Variants in SYNE2 observed in about 807,000 individuals in gnomAD.
SYNE2 encodes spectrin repeat containing nuclear envelope protein 2, also known as nesprin-2.
In SYNE2, 431 loss-of-function variants were observed where a neutral mutation model predicts 856.3. That is an observed-to-expected ratio of 0.50 (90% CI 0.47 to 0.55). The LOEUF (loss-of-function observed/expected upper bound fraction) is 0.55, where lower values mean the gene tolerates loss of function less well. Ranked by LOEUF, SYNE2 falls within the 20% of genes least tolerant of loss-of-function variation. SYNE2 has a pLI of 0.00. For synonymous variants in SYNE2, 2,923 were observed against 2,872.3 expected (o/e 1.02, Z -0.56); for missense variants, 8,129 against 8,023.2 (o/e 1.01, Z -0.50).
At chr14:63,789,958 C>T (rs766734242) in intron 1 of SYNE2, among the ~76,000 whole-genome samples, 13 of 152,108 alleles carry the variant, frequency 8.5e-5, no homozygotes, top group Non-Finnish European at 1.5e-4. Context: ...TAGAAAGAAA[C>T]TGAGATACCT....
intron 63 of SYNE2, 56 bp from the exon 64 acceptor site, chr14:64,101,876 G>A (rs2097732757): frequency 3.0e-6 from 4 of 1,333,690 alleles, no homozygotes; most frequent in East Asian, 2.3e-5. Context: ...GTAGGGCACC[G>A]GTTATGACAG....
intron 73 of SYNE2, among the ~76,000 whole-genome samples, chr14:64,127,575 G>A (rs1320152614): frequency 6.6e-6 from 1 of 152,110 alleles, no homozygotes; most frequent in Non-Finnish European, 1.5e-5. Context: ...GCTAGAGGGA[G>A]CCATTAAGGT....
At chr14:64,202,139 T>C (rs1350395806) in intron 99 of SYNE2, 2 of 701,100 alleles carry the variant, frequency 2.9e-6, no homozygotes, top group Non-Finnish European at 5.2e-6. Flanking sequence ...GGAGATCACA[T>C]TTAGAACTGC....
At chr14:64,074,666 C>T (rs1390946566) in intron 53 of SYNE2, among the ~76,000 whole-genome samples, 3 of 152,138 alleles carry the variant, frequency 2.0e-5, no homozygotes, top group African/African-American at 7.2e-5. Flanking sequence ...GAGGTCCAGG[C>T]AGGCAGATCA....
intron 96 of SYNE2, among the ~76,000 whole-genome samples, chr14:64,178,348 G>C (rs566057904): frequency 6.6e-6 from 1 of 152,170 alleles, no homozygotes; most frequent in East Asian, 1.9e-4. Context: ...CAAGTGTCCT[G>C]TATGATCTAA....
chr14:63,870,256 A>T (rs1483322394), intron 1 of SYNE2, among the ~76,000 whole-genome samples: 2 of 151,850 alleles, frequency 1.3e-5, no homozygotes, highest in Admixed American at 6.6e-5. Flanking sequence ...AGCCCTACTC[A>T]TCATTCTAGG....
Position 64,129,857 on chromosome 14 carries a change from C to T in SYNE2, c.14095C>T (p.Leu4699Phe). The change falls in exon 75 of 116, where the codon CTT becomes TTT. Residue 4699 changes from leucine to phenylalanine, a missense_variant. By Grantham distance (22) the Leu-to-Phe change is conservative. This residue lies in a region of SYNE2 where 5,410 missense variants were observed against 5,284.8 expected (regional missense o/e 1.02). Transcript: ENST00000555002. ...VAKLRDEGER[L>F]HLPYALLQEV... is the part of the protein sequence containing the mutation. The stretch of plus-strand genomic sequence containing the variant: ...CAAACTAAGAGATGAAGGGGAGAGG[C>T]TTCATTTACCTTATGCTTTACTCCA... 4 of 1,614,104 alleles carry T rather than the reference C, an allele frequency of 2.5e-6. No individual in the cohort carries two copies. Among genetic ancestry groups the T allele is most frequent in the Non-Finnish European group, 3.4e-6 (4 of 1,180,014 alleles).
chr14:64,156,685 CT>C, intron 85 of SYNE2, among the ~76,000 whole-genome samples: 1 of 152,300 alleles, frequency 6.6e-6, no homozygotes, highest in South Asian at 2.1e-4. Flanking sequence ...TCTTGAACTC[CT>C]GACCTTAGGT....
chr14:64,176,779 TTTTATTTATTTA>T (rs370375972), intron 95 of SYNE2, among the ~76,000 whole-genome samples: 5,005 of 150,346 alleles, frequency 0.033, 245 homozygotes, highest in African/African-American at 0.11. Flanking sequence ...ACTTTTTTAT[TTTTATTTATTTA>T]TTTATTTATT....
At chr14:63,764,837 A>G (rs1486645054) in intron 1 of SYNE2, among the ~76,000 whole-genome samples, 1 of 152,090 alleles carries the variant, frequency 6.6e-6, no homozygotes, top group East Asian at 1.9e-4. Context: ...GGCCCCAGCT[A>G]CTTGGGAGGC....
At chr14:64,077,230 G>A (rs892365588) in intron 54 of SYNE2, among the ~76,000 whole-genome samples, 4 of 152,062 alleles carry the variant, frequency 2.6e-5, no homozygotes, top group African/African-American at 9.7e-5. Flanking sequence ...TAATTCAAAT[G>A]GCTACATATG....
Position 64,177,465 on chromosome 14 carries a change from C to A in SYNE2, c.17538C>A (p.Asn5846Lys), listed in dbSNP as rs367757065. Residue 5846 changes from asparagine to lysine, a missense_variant, in exon 96 of 116, where the codon AAC becomes AAA. By Grantham distance (94) the Asn-to-Lys change is moderately conservative. Coordinates refer to ENST00000555002, the MANE Select transcript of SYNE2 (RefSeq NM_182914.3). ...PLPELHEDLH[N>K]EKELIKELEQ... Reference sequence around the variant, plus strand: ...CAGAGCTTCACGAGGACCTCCATAACGAAAAAGAGCTGATTAAGGTATTGA... The same window carrying A: ...CAGAGCTTCACGAGGACCTCCATAAAGAAAAAGAGCTGATTAAGGTATTGA... 6.2e-7 allele frequency: 1 copy of A among 1,614,072 alleles called. No individual in the cohort carries two copies. Among genetic ancestry groups the A allele is most frequent in the Non-Finnish European group, 8.5e-7 (1 of 1,180,000 alleles).
intron 30 of SYNE2, 62 bp downstream of exon 30, chr14:64,003,392 G>T: frequency 1.3e-6 from 2 of 1,596,096 alleles, no homozygotes; most frequent in African/African-American, 1.3e-5. Context: ...TTTCACTTCT[G>T]TTAGGTGAAA....
chr14:63,882,158 G>C (rs2140679267), intron 1 of SYNE2, among the ~76,000 whole-genome samples: 1 of 152,204 alleles, frequency 6.6e-6, no homozygotes, highest in Non-Finnish European at 1.5e-5. Context: ...TCATGGTATG[G>C]GAACACGGAA....
Position 64,022,805 on chromosome 14 carries a change from A to G in SYNE2, c.5579A>G (p.Glu1860Gly). The change falls in exon 38 of 116, where the codon GAG becomes GGG. Residue 1860 changes from glutamate (E) to glycine (G), a missense_variant. Coordinates refer to ENST00000555002, the MANE Select transcript of SYNE2 (RefSeq NM_182914.3). ...AGCAACATTAAAGTGAACCTTAAGG[A>G]GTGTTTTGAATCATCAGAAACAAAA... ...WFSNIKVNLKECFESSETKKS... is the reference protein window; with the variant it reads ...WFSNIKVNLKGCFESSETKKS... The G allele has an allele frequency of 1.9e-6, 3 of 1,612,496 alleles. No homozygotes were observed. The highest frequency in any genetic ancestry group is 2.5e-6 in the Non-Finnish European group (3 of 1,178,788).
chr14:64,111,070 A>G (rs1330398873), intron 65 of SYNE2, among the ~76,000 whole-genome samples: 1 of 152,094 alleles, frequency 6.6e-6, no homozygotes, highest in Non-Finnish European at 1.5e-5. Flanking sequence ...TGTCATTAAA[A>G]AAAGTGTGTG....
In SYNE2 at chr14:63,815,207, T is replaced by C. The variant is rs774538338; in HGVS notation, c.-304-37294T>C. ...ATATATATATCCATATATATATCCA[T>C]ATATATATCCATATATATATCCATA... is the stretch of plus-strand genomic sequence containing the variant. On this transcript the variant is annotated intron_variant, in intron 1 of 23. Coordinates refer to the SYNE2 transcript ENST00000674003. 3.4e-4 allele frequency among the ~76,000 whole-genome samples: 45 copies of C among 131,852 alleles called. 3 individuals carry two copies. The highest frequency in any genetic ancestry group is 8.9e-4 in the East Asian group (4 of 4,500). The allele number at this position is 131,852 out of a possible 152,430, so 86.5% of individuals were successfully genotyped here.
intron 37 of SYNE2, 102 bp from the exon 38 acceptor site, chr14:64,022,649 A>G (rs2096944221): frequency 4.1e-6 from 3 of 733,980 alleles, no homozygotes; most frequent in Non-Finnish European, 7.5e-6. Flanking sequence ...TTTCACAACG[A>G]TGTATATCTA....
At chr14:64,036,811 C>G (rs1383162673) in intron 45 of SYNE2, among the ~76,000 whole-genome samples, 2 of 152,218 alleles carry the variant, frequency 1.3e-5, no homozygotes, top group African/African-American at 4.8e-5. Context: ...TTGAATTCAT[C>G]TGTACATCTA....
Sources: allele counts gnomAD v4.1 joint callset (sites outside exome capture counted in the v4.1 genomes callset), GRCh38; gene constraint gnomAD v4.1.1; regional missense constraint gnomAD v4.1.1; transcripts MANE v1.5; gene names NCBI Gene and HGNC (gene_info 2026-07-23, HGNC 2026-07-21).